C1QTNF3: variants seen among roughly 807,000 people sequenced by gnomAD.
The protein encoded by C1QTNF3 is complement C1q tumor necrosis factor-related protein 3.
In C1QTNF3, 26 loss-of-function variants were observed where a neutral mutation model predicts 32.6. The ratio of observed to expected loss-of-function variants is 0.80; its 90% CI spans 0.58 to 1.11. The LOEUF is 1.11. C1QTNF3 is among the 50% of genes least tolerant of loss of function. C1QTNF3 has a pLI of 0.00. For synonymous variants in C1QTNF3, 155 were observed against 146.0 expected (o/e 1.06, Z -0.44); for missense variants, 362 against 398.2 (o/e 0.91, Z 0.77).
intron 5 of C1QTNF3, among the ~76,000 whole-genome samples, chr5:34,020,953 G>A (rs1046544067): frequency 2.2e-4 from 34 of 152,168 alleles, no homozygotes; most frequent in Non-Finnish European, 2.8e-4. Flanking sequence ...TCTTATGACT[G>A]TCTGGAATGT....
the C1QTNF3 span, among the ~76,000 whole-genome samples, chr5:34,196,433 T>C: frequency 6.6e-6 from 1 of 152,260 alleles, no homozygotes; most frequent in Non-Finnish European, 1.5e-5. Context: ...CCACCACGCC[T>C]GGTCAAAATA....
the C1QTNF3 span, among the ~76,000 whole-genome samples, chr5:34,129,524 A>G: frequency 5.3e-5 from 8 of 152,270 alleles, no homozygotes; most frequent in African/African-American, 1.9e-4. Flanking sequence ...TATGAACTTG[A>G]TTTAGTCATT....
the C1QTNF3 span, among the ~76,000 whole-genome samples, chr5:34,235,546 C>CTTTTTTT: frequency 3.4e-4 from 35 of 103,882 alleles, no homozygotes; most frequent in Non-Finnish European, 3.7e-4. Flanking sequence ...ATTTCTTTTT[C>CTTTTTTT]TTTTTTTTTT....
chr5:34,157,073 T>C, the C1QTNF3 span, among the ~76,000 whole-genome samples: 13 of 152,322 alleles, frequency 8.5e-5, no homozygotes, highest in Admixed American at 5.9e-4. Flanking sequence ...TTTATGACTA[T>C]TGGAGTAATT....
the C1QTNF3 span, among the ~76,000 whole-genome samples, chr5:34,056,454 G>GTATATACATA: frequency 2.0e-5 from 1 of 48,964 alleles, no homozygotes; most frequent in African/African-American, 8.4e-5. Context: ...GTGTGTGTGT[G>GTATATACATA]TATATATATA....
the C1QTNF3 span, among the ~76,000 whole-genome samples, chr5:34,210,290 T>C: frequency 2.5e-4 from 38 of 152,146 alleles, no homozygotes; most frequent in Non-Finnish European, 4.4e-4. Flanking sequence ...TATTTTGATA[T>C]TGCATACTCA....
At chr5:34,220,490 GCA>G in the C1QTNF3 span, among the ~76,000 whole-genome samples, 2 of 141,680 alleles carry the variant, frequency 1.4e-5, 1 homozygote, top group Non-Finnish European at 3.0e-5. Flanking sequence ...AGTTCAGTTA[GCA>G]TACACACACA....
the C1QTNF3 span, among the ~76,000 whole-genome samples, chr5:34,101,125 T>C: frequency 2.0e-5 from 3 of 152,046 alleles, no homozygotes; most frequent in Admixed American, 2.0e-4. Context: ...GTAATAAATA[T>C]AATTTCCATT....
At chr5:34,143,538 G>T in the C1QTNF3 span, among the ~76,000 whole-genome samples, 1 of 152,034 alleles carries the variant, frequency 6.6e-6, no homozygotes, top group Non-Finnish European at 1.5e-5. Context: ...AGAAGAGTCA[G>T]GTCATATATA....
rs768620544 is a variant in C1QTNF3, at chr5:34,033,445, G to C, written c.429C>G (p.Asn143Lys). 3 of 1,614,116 alleles carry C rather than the reference G, an allele frequency of 1.9e-6. No individual in the cohort carries two copies. In the South Asian group the frequency reaches 3.3e-5, roughly 18 times the overall value. The change falls in exon 3 of 6, where the codon AAC becomes AAG. Residue 143 changes from asparagine (N) to lysine (K), a missense_variant. Coordinates refer to ENST00000382065, the MANE Select transcript of C1QTNF3 (RefSeq NM_181435.6). ...GACCAGTGGCTCCATTGTTGCCATT[G>C]TTTCCATGGTTTCCTTAAACAACCA... ...GPPGIPGNHG[N>K]NGNNGATGHE...
chr5:34,148,200 G>A, the C1QTNF3 span, among the ~76,000 whole-genome samples: 1 of 148,552 alleles, frequency 6.7e-6, no homozygotes, highest in Non-Finnish European at 1.5e-5. Flanking sequence ...GGCTTGGAGG[G>A]TCCTACGCCC....
At chr5:34,138,384 A>G in the C1QTNF3 span, among the ~76,000 whole-genome samples, 2 of 152,166 alleles carry the variant, frequency 1.3e-5, no homozygotes, top group Admixed American at 6.5e-5. Context: ...TTACTCCATA[A>G]ATTACAGAAA....
At chr5:34,109,929 T>C in the C1QTNF3 span, among the ~76,000 whole-genome samples, 1 of 152,268 alleles carries the variant, frequency 6.6e-6, no homozygotes, top group East Asian at 1.9e-4. Context: ...GTTCCAAAGG[T>C]GAACATCCTG....
At chr5:34,182,329 AT>A in the C1QTNF3 span, among the ~76,000 whole-genome samples, 1 of 152,140 alleles carries the variant, frequency 6.6e-6, no homozygotes, top group Admixed American at 6.5e-5. Flanking sequence ...TACAAAAAAA[AT>A]TTTTTTAATT....
chr5:34,230,002 G>C, the C1QTNF3 span, among the ~76,000 whole-genome samples: 6 of 152,158 alleles, frequency 3.9e-5, no homozygotes, highest in Non-Finnish European at 8.8e-5. Context: ...TGAACACAGA[G>C]AGAAGGAGGC....
chr5:34,163,536 T>C, the C1QTNF3 span, among the ~76,000 whole-genome samples: 2 of 151,990 alleles, frequency 1.3e-5, no homozygotes, highest in South Asian at 4.2e-4. Flanking sequence ...TATATGTCCA[T>C]GATATACTAA....
chr5:34,217,343 G>C, the C1QTNF3 span, among the ~76,000 whole-genome samples: 1 of 152,072 alleles, frequency 6.6e-6, no homozygotes. Flanking sequence ...AATAAAATGA[G>C]AATTTGTCCT....
chr5:34,018,304 T>C lies in C1QTNF3; in HGVS notation c.*2279A>G, dbSNP rs544889023. 1.1e-4 allele frequency among the ~76,000 whole-genome samples: 17 copies of C among 152,308 alleles called. No homozygotes were observed. Among genetic ancestry groups the C allele is most frequent in the Admixed American group, 8.5e-4 (13 of 15,300 alleles). ...ACATACCAAAGCAAGAAATTGTCTCTGGCCATCAGATATTATCTTTTCCAC... is the reference window on the plus strand; with the variant it reads ...ACATACCAAAGCAAGAAATTGTCTCCGGCCATCAGATATTATCTTTTCCAC... On this transcript the variant is annotated 3_prime_UTR_variant, in exon 6 of 6. Coordinates refer to ENST00000382065, the MANE Select transcript of C1QTNF3 (RefSeq NM_181435.6).
chr5:34,133,640 T>C, the C1QTNF3 span, among the ~76,000 whole-genome samples: 2 of 152,192 alleles, frequency 1.3e-5, no homozygotes, highest in Non-Finnish European at 1.5e-5. Context: ...ATCTCAAGGT[T>C]AGAGTTACAC....
Sources: gnomAD v4.1 joint callset for allele counts (sites outside exome capture counted in the v4.1 genomes callset) on GRCh38, gnomAD v4.1.1 for gene constraint, MANE v1.5 for transcripts, NCBI Gene and HGNC (gene_info 2026-07-23, HGNC 2026-07-21) for gene names.